The following SGCD variants were observed in gnomAD, a reference collection of about 807,000 sequenced individuals.
SGCD encodes delta-sarcoglycan.
In SGCD, 18 loss-of-function variants were observed where a neutral mutation model predicts 36.6. The ratio of observed to expected loss-of-function variants is 0.49; its 90% CI spans 0.34 to 0.73. SGCD has a LOEUF of 0.73. SGCD is among the 30% of genes least tolerant of loss of function. The pLI is 0.01. For missense variants in SGCD, 387 were observed against 346.7 expected (o/e 1.12, Z -0.92); for synonymous variants, 133 against 130.6 (o/e 1.02, Z -0.12).
intron 1 of SGCD, among the ~76,000 whole-genome samples, chr5:156,018,892 TA>T (rs1160441300): frequency 6.6e-6 from 1 of 152,202 alleles, no homozygotes; most frequent in African/African-American, 2.4e-5. Flanking sequence ...TGACACTGCA[TA>T]ATTTTTCCCG....
At chr5:156,067,892 A>T (rs1343796605) in intron 1 of SGCD, among the ~76,000 whole-genome samples, 1 of 142,304 alleles carries the variant, frequency 7.0e-6, no homozygotes, top group Non-Finnish European at 1.5e-5. Context: ...TGCAGAAATC[A>T]CCGTCTTCTG....
intron 1 of SGCD, among the ~76,000 whole-genome samples, chr5:156,088,677 ATAT>A (rs1761163229): frequency 6.6e-6 from 1 of 151,996 alleles, no homozygotes; most frequent in South Asian, 2.1e-4. Flanking sequence ...TTGTTTATTA[ATAT>A]TATTATTATC....
At position 156,335,347 on chromosome 5, in the gene SGCD, A is replaced by G. The variant is rs76970836; in HGVS notation, c.3+5768A>G. ...GATAATATTTATTTAAAAACTGTAC[A>G]GATACACTTTGACCTGGCAATCTGG... On this transcript the variant is annotated intron_variant, in intron 2 of 8. Transcript: ENST00000337851. 6.2e-4 allele frequency among the ~76,000 whole-genome samples: 94 copies of G among 152,348 alleles called. 2 individuals carry two copies. The East Asian group carries it at 0.017, about 28-fold the overall frequency.
At chr5:156,226,728 A>G (rs1165754065) in intron 3 of SGCD, among the ~76,000 whole-genome samples, 7 of 151,936 alleles carry the variant, frequency 4.6e-5, no homozygotes, top group Admixed American at 3.9e-4. Context: ...GATGTAGTAG[A>G]TGTTCCATGC....
At chr5:156,303,671 G>C (rs6870979) in intron 3 of SGCD, among the ~76,000 whole-genome samples, 25,230 of 150,926 alleles carry the variant, frequency 0.17, 2,944 homozygotes, top group African/African-American at 0.32. Flanking sequence ...TTAGTCAGCA[G>C]GTGATGAATC....
chr5:156,308,506 G>A (rs1439812166), intron 3 of SGCD, among the ~76,000 whole-genome samples: 4 of 152,098 alleles, frequency 2.6e-5, no homozygotes, highest in African/African-American at 9.7e-5. Flanking sequence ...CACCGTGTTA[G>A]CCAGGATGGT....
At chr5:156,187,486 G>A (rs568525979) in intron 3 of SGCD, among the ~76,000 whole-genome samples, 1 of 140,976 alleles carries the variant, frequency 7.1e-6, no homozygotes, top group African/African-American at 2.6e-5. Flanking sequence ...CCCTCTAGAG[G>A]CTTCTGGATT....
At chr5:156,321,059 A>T (rs1022325459) in intron 3 of SGCD, among the ~76,000 whole-genome samples, 11 of 152,236 alleles carry the variant, frequency 7.2e-5, no homozygotes, top group Admixed American at 7.2e-4. Context: ...ATAAATAAAT[A>T]CGGTTTCTAT....
the SGCD span, among the ~76,000 whole-genome samples, chr5:155,808,554 A>G: frequency 6.6e-6 from 1 of 152,238 alleles, no homozygotes; most frequent in East Asian, 1.9e-4. Context: ...AATCCAGTGA[A>G]GATTGGATGG....
intron 3 of SGCD, among the ~76,000 whole-genome samples, chr5:156,175,948 C>CTTTT (rs59891264): frequency 6.7e-6 from 1 of 148,264 alleles, no homozygotes; most frequent in Non-Finnish European, 1.5e-5. Flanking sequence ...TTCTGTGGAT[C>CTTTT]TTTTTTTTTT....
chr5:156,621,668 A>C (rs1410002530), intron 6 of SGCD, among the ~76,000 whole-genome samples: 1 of 152,272 alleles, frequency 6.6e-6, no homozygotes, highest in Non-Finnish European at 1.5e-5. Context: ...TAATCAGTCC[A>C]AGCGTTGGAA....
rs566265218 is a variant in SGCD at position 155,959,632 on chromosome 5, T to A, written c.-282+89208T>A. Among the ~76,000 whole-genome samples the A allele has an allele frequency of 4.6e-5, 7 of 152,268 alleles. No homozygotes were observed. The South Asian group carries it at 1.4e-3, about 32-fold the overall frequency. The stretch of plus-strand genomic sequence containing the variant: ...TTTGAGTAGCTAGAATTCAATTAAA[T>A]GCTAAGTAATATTTTATACATACAA... On this transcript the variant is annotated intron_variant, in intron 1 of 9. Transcript: ENST00000517913.
intron 3 of SGCD, among the ~76,000 whole-genome samples, chr5:156,232,456 A>C (rs187023762): frequency 1.3e-5 from 2 of 152,340 alleles, no homozygotes; most frequent in African/African-American, 4.8e-5. Flanking sequence ...TGGGGCCACA[A>C]GTAGACAGTC....
At chr5:156,499,571 T>C (rs1286309272) in intron 3 of SGCD, among the ~76,000 whole-genome samples, 1 of 152,136 alleles carries the variant, frequency 6.6e-6, no homozygotes, top group African/African-American at 2.4e-5. Context: ...ACCAAAGGAC[T>C]GCAGAGAGGA....
chr5:156,240,119 CAG>C (rs966124071), intron 3 of SGCD, among the ~76,000 whole-genome samples: 2 of 152,094 alleles, frequency 1.3e-5, no homozygotes, highest in Non-Finnish European at 2.9e-5. Flanking sequence ...CCAGAGTTGC[CAG>C]AGAGTTTCTT....
chr5:156,484,334 T>C (rs1229142079), intron 3 of SGCD, among the ~76,000 whole-genome samples: 1 of 152,164 alleles, frequency 6.6e-6, no homozygotes, highest in Non-Finnish European at 1.5e-5. Flanking sequence ...TGTACTACAC[T>C]AGGTGACTTG....
At chr5:155,849,446 G>GCGCACACACACA in the SGCD span, among the ~76,000 whole-genome samples, 4 of 149,832 alleles carry the variant, frequency 2.7e-5, no homozygotes, top group East Asian at 2.0e-4. Flanking sequence ...ATGTGCGCGC[G>GCGCACACACACA]CACACACACA....
chr5:156,158,704 A>G (rs1763020249), intron 3 of SGCD, among the ~76,000 whole-genome samples: 1 of 151,614 alleles, frequency 6.6e-6, no homozygotes, highest in African/African-American at 2.4e-5. Context: ...GAGCAAATGG[A>G]AGATAGTCAT....
intron 3 of SGCD, among the ~76,000 whole-genome samples, chr5:156,255,935 AT>A (rs138846138): frequency 0.057 from 8,609 of 152,104 alleles, 271 homozygotes; most frequent in Non-Finnish European, 0.069. Context: ...TAGTTCAATA[AT>A]TTTGAGACTT....
Sources: allele counts gnomAD v4.1 joint callset (sites outside exome capture counted in the v4.1 genomes callset), GRCh38; gene constraint gnomAD v4.1.1; transcripts MANE v1.5; gene names NCBI Gene and HGNC (gene_info 2026-07-23, HGNC 2026-07-21).